The following GRM7 variants were observed in gnomAD, a reference collection of about 807,000 sequenced individuals.
The protein encoded by GRM7 is metabotropic glutamate receptor 7.
In GRM7, 35 loss-of-function variants were observed where a neutral mutation model predicts 84.5. The observed-to-expected ratio is 0.41, with a 90% CI of 0.32 to 0.55. The LOEUF is 0.55. GRM7 is among the 20% of genes least tolerant of loss of function. The pLI is 0.19. For synonymous variants in GRM7, 487 were observed against 455.1 expected (o/e 1.07, Z -0.89); for missense variants, 1,003 against 1,194.6 (o/e 0.84, Z 2.36).
chr3:7,571,960 A>G (rs1026600593), intron 7 of GRM7, among the ~76,000 whole-genome samples: 3 of 152,148 alleles, frequency 2.0e-5, no homozygotes, highest in African/African-American at 7.2e-5. Context: ...GGAAACTCCC[A>G]TTTTTAAAAC....
chr3:7,384,495 C>T (rs1694709919), intron 4 of GRM7, among the ~76,000 whole-genome samples: 1 of 151,960 alleles, frequency 6.6e-6, no homozygotes, highest in Admixed American at 6.6e-5. Context: ...TTCTAGTAGC[C>T]ATATTTTAAA....
intron 8 of GRM7, among the ~76,000 whole-genome samples, chr3:7,618,871 G>A (rs761611390): frequency 6.6e-6 from 1 of 152,104 alleles, no homozygotes; most frequent in Non-Finnish European, 1.5e-5. Context: ...CCTGCATGTA[G>A]AAACTGCCAA....
intron 9 of GRM7, chr3:7,682,123 G>A (rs1291120457): frequency 6.6e-6 from 1 of 152,022 alleles, no homozygotes; most frequent in African/African-American, 2.4e-5. Flanking sequence ...ATCACCTGAG[G>A]TTAGGAGTTG....
intron 2 of GRM7, among the ~76,000 whole-genome samples, chr3:7,178,747 T>C (rs1695238696): frequency 6.6e-6 from 1 of 151,922 alleles, no homozygotes. Flanking sequence ...ATAAACCAGA[T>C]AAGTATGTTG....
intron 1 of GRM7, among the ~76,000 whole-genome samples, chr3:7,048,421 A>T (rs544974495): frequency 6.6e-6 from 1 of 152,102 alleles, no homozygotes; most frequent in Non-Finnish European, 1.5e-5. Context: ...ATAGTAAATT[A>T]AAATGTGTGC....
At chr3:7,703,473 C>T (rs1473210762) in intron 9 of GRM7, among the ~76,000 whole-genome samples, 1 of 152,048 alleles carries the variant, frequency 6.6e-6, no homozygotes, top group African/African-American at 2.4e-5. Flanking sequence ...TGGCCTACAC[C>T]CTGGGCTGTG....
At chr3:7,162,728 C>CTTTTTTTTTT (rs1559478421) in intron 2 of GRM7, among the ~76,000 whole-genome samples, 2 of 57,102 alleles carry the variant, frequency 3.5e-5, no homozygotes, top group African/African-American at 1.0e-4. Flanking sequence ...TCCCATTTTT[C>CTTTTTTTTTT]ATTTTTTTTT....
intron 4 of GRM7, among the ~76,000 whole-genome samples, chr3:7,337,550 A>G (rs1340936749): frequency 6.6e-6 from 1 of 152,040 alleles, no homozygotes; most frequent in Non-Finnish European, 1.5e-5. Flanking sequence ...TCTATAAGGA[A>G]CTCAAATCAA....
intron 8 of GRM7, among the ~76,000 whole-genome samples, chr3:7,643,447 C>T (rs1015906572): frequency 6.6e-6 from 1 of 152,096 alleles, no homozygotes; most frequent in African/African-American, 2.4e-5. Context: ...GTGGCCAGGC[C>T]TTGAGAATTT....
intron 7 of GRM7, among the ~76,000 whole-genome samples, chr3:7,539,442 CGAGGTGGGTGGATCAT>C (rs918870774): frequency 2.0e-5 from 3 of 151,760 alleles, no homozygotes; most frequent in African/African-American, 7.3e-5. Flanking sequence ...TTTGGGAGGC[CGAGGTGGGTGGATCAT>C]GAGGTCCGGA....
In GRM7 at chr3:7,740,548, A is replaced by G. The variant is rs1392689229; in HGVS notation, c.*142A>G. ...CGGGAGACCAGTGTTAGAGGATCCAAGCGACCTAAACAGCTGCTTTATGAA... is the reference window on the plus strand; with the variant it reads ...CGGGAGACCAGTGTTAGAGGATCCAGGCGACCTAAACAGCTGCTTTATGAA... On this transcript the variant is annotated 3_prime_UTR_variant, in exon 10 of 10. Transcript: ENST00000357716. 4 of 517,912 alleles carry G rather than the reference A, an allele frequency of 7.7e-6. No individual in the cohort carries two copies. In the East Asian group the frequency reaches 1.4e-4, roughly 18 times the overall value. 32.1% of individuals were successfully genotyped at this position (517,912 alleles called of 1,614,324 possible).
At chr3:7,274,095 G>C (rs534288555) in intron 2 of GRM7, among the ~76,000 whole-genome samples, 8 of 151,906 alleles carry the variant, frequency 5.3e-5, no homozygotes, top group African/African-American at 1.7e-4. Context: ...ACTAGTCCAA[G>C]TTGATTTTCA....
intron 2 of GRM7, among the ~76,000 whole-genome samples, chr3:7,191,345 CCAATGGCTGCT>C (rs999556290): frequency 2.5e-4 from 38 of 151,982 alleles, no homozygotes; most frequent in African/African-American, 9.2e-4. Flanking sequence ...CCCTTTATAT[CCAATGGCTGCT>C]CAATAACTAT....
At chr3:7,341,424 T>C (rs1269321372) in intron 4 of GRM7, among the ~76,000 whole-genome samples, 1 of 151,968 alleles carries the variant, frequency 6.6e-6, no homozygotes, top group Non-Finnish European at 1.5e-5. Context: ...GTTGAATAAA[T>C]GTTTGTTAAA....
At chr3:6,878,450 ACT>A (rs1695394638) in intron 1 of GRM7, among the ~76,000 whole-genome samples, 1 of 148,112 alleles carries the variant, frequency 6.8e-6, no homozygotes, top group Non-Finnish European at 1.5e-5. Flanking sequence ...TGATCTTGAA[ACT>A]CTACTAAGAT....
intron 7 of GRM7, among the ~76,000 whole-genome samples, chr3:7,549,777 C>T (rs565802417): frequency 9.9e-5 from 15 of 152,192 alleles, no homozygotes; most frequent in East Asian, 9.7e-4. Flanking sequence ...TGTGAAAATA[C>T]GAGAAGACAA....
chr3:6,881,146 T>C (rs1465731444), intron 1 of GRM7, among the ~76,000 whole-genome samples: 3 of 152,184 alleles, frequency 2.0e-5, no homozygotes, highest in Non-Finnish European at 4.4e-5. Flanking sequence ...TTAATTTTTA[T>C]TTTTAGTTCT....
chr3:7,189,550 A>G (rs1695637209), intron 2 of GRM7, among the ~76,000 whole-genome samples: 1 of 152,174 alleles, frequency 6.6e-6, no homozygotes, highest in Non-Finnish European at 1.5e-5. Flanking sequence ...TATGCTCTTA[A>G]AATATTCTGA....
chr3:7,593,431 C>T (rs1695886650), intron 8 of GRM7, among the ~76,000 whole-genome samples: 1 of 152,146 alleles, frequency 6.6e-6, no homozygotes, highest in Non-Finnish European at 1.5e-5. Context: ...TCATGGAAAT[C>T]ACATTCTATT....
Sources: allele counts gnomAD v4.1 joint callset (sites outside exome capture counted in the v4.1 genomes callset), GRCh38; gene constraint gnomAD v4.1.1; transcripts MANE v1.5; gene names NCBI Gene and HGNC (gene_info 2026-07-23, HGNC 2026-07-21).